The following PLA2G4A variants were observed in gnomAD, a reference collection of about 807,000 sequenced individuals.
The protein encoded by PLA2G4A is cytosolic phospholipase A2.
Under a neutral mutation model 81.9 loss-of-function variants are expected in PLA2G4A, and 40 were observed. The ratio of observed to expected loss-of-function variants is 0.49; its 90% confidence interval spans 0.38 to 0.64. The LOEUF (loss-of-function observed/expected upper bound fraction) is 0.64, where lower values mean the gene tolerates loss of function less well. Ranked by LOEUF, PLA2G4A falls within the 30% of genes least tolerant of loss-of-function variation. PLA2G4A has a pLI of 0.00. For missense variants in PLA2G4A, 715 were observed against 905.1 expected, an observed-to-expected ratio of 0.79 and a Z score of 2.69; for synonymous variants, 302 against 296.9, an observed-to-expected ratio of 1.02 and a Z score of -0.18.
chr1:186,888,816 T>G (rs1654029323), intron 3 of PLA2G4A, among the ~76,000 whole-genome samples: 1 of 138,830 alleles, frequency 7.2e-6, no homozygotes, highest in African/African-American at 2.7e-5. Context: ...TTTGCTTGGC[T>G]TTGTTTTTTT....
At chr1:186,974,964 C>G (rs1479686203) in intron 15 of PLA2G4A, among the ~76,000 whole-genome samples, 1 of 152,164 alleles carries the variant, frequency 6.6e-6, no homozygotes, top group Non-Finnish European at 1.5e-5. Flanking sequence ...CTAAAAATAG[C>G]CTCACTGTTA....
intron 5 of PLA2G4A, among the ~76,000 whole-genome samples, chr1:186,895,901 A>G (rs1482440314): frequency 1.3e-4 from 20 of 152,108 alleles, no homozygotes; most frequent in Admixed American, 1.3e-3. Context: ...CAGTTTAATC[A>G]TCTGTAAAAT....
At chr1:186,928,666 A>T (rs1655635346) in intron 7 of PLA2G4A, among the ~76,000 whole-genome samples, 1 of 152,244 alleles carries the variant, frequency 6.6e-6, no homozygotes, top group African/African-American at 2.4e-5. Flanking sequence ...ATGGGGGGCC[A>T]AGGAGAGAAA....
chr1:186,915,632 T>C (rs1341868467), intron 7 of PLA2G4A, among the ~76,000 whole-genome samples: 1 of 152,118 alleles, frequency 6.6e-6, no homozygotes, highest in Non-Finnish European at 1.5e-5. Flanking sequence ...TGCCCACTGG[T>C]AGTTGTATTA....
At chr1:186,859,192 T>C (rs918724557) in intron 2 of PLA2G4A, among the ~76,000 whole-genome samples, 1 of 152,100 alleles carries the variant, frequency 6.6e-6, no homozygotes, top group Non-Finnish European at 1.5e-5. Context: ...TGGAGAATCC[T>C]GTGGGCTGAT....
At chr1:186,946,340 GA>G (rs1656345376) in intron 10 of PLA2G4A, among the ~76,000 whole-genome samples, 1 of 152,082 alleles carries the variant, frequency 6.6e-6, no homozygotes, top group African/African-American at 2.4e-5. Context: ...CTGTTCTGTA[GA>G]ATGAAAACTG....
chr1:186,979,738 TATATG>T (rs1657654957), intron 17 of PLA2G4A, among the ~76,000 whole-genome samples: 3 of 152,184 alleles, frequency 2.0e-5, no homozygotes, highest in Admixed American at 2.0e-4. Flanking sequence ...ATGTATTTAT[TATATG>T]ATATAACAAA....
intron 1 of PLA2G4A, among the ~76,000 whole-genome samples, chr1:186,832,719 T>A (rs1302467076): frequency 6.6e-6 from 1 of 152,186 alleles, no homozygotes; most frequent in Non-Finnish European, 1.5e-5. Context: ...ATTTAAAAAA[T>A]TTTTCTCTTT....
At chr1:186,872,041 G>A (rs1351752260) in intron 3 of PLA2G4A, among the ~76,000 whole-genome samples, 2 of 152,052 alleles carry the variant, frequency 1.3e-5, no homozygotes, top group Non-Finnish European at 2.9e-5. Flanking sequence ...AGGATTGTTA[G>A]GTAGAATCTA....
chr1:186,872,829 G>A (rs72707570), intron 3 of PLA2G4A, among the ~76,000 whole-genome samples: 1 of 151,920 alleles, frequency 6.6e-6, no homozygotes, highest in Non-Finnish European at 1.5e-5. Flanking sequence ...TTTAGGTTTT[G>A]GTTCCCCACA....
chr1:186,840,182 T>C (rs947466311), intron 1 of PLA2G4A, among the ~76,000 whole-genome samples: 3 of 151,938 alleles, frequency 2.0e-5, no homozygotes, highest in African/African-American at 4.8e-5. Context: ...TTTTATTTCA[T>C]ATATTTTAAA....
intron 3 of PLA2G4A, among the ~76,000 whole-genome samples, chr1:186,890,010 G>A (rs886619163): frequency 6.6e-6 from 1 of 152,128 alleles, no homozygotes; most frequent in South Asian, 2.1e-4. Context: ...ATATTTCTCA[G>A]TTCCTGTTAC....
chr1:186,889,374 C>T (rs11577826), intron 3 of PLA2G4A, among the ~76,000 whole-genome samples: 59,628 of 152,008 alleles, frequency 0.39, 12,188 homozygotes, highest in African/African-American at 0.5. Context: ...AATGGGTCTT[C>T]GGGGATGAAG....
intron 15 of PLA2G4A, among the ~76,000 whole-genome samples, chr1:186,968,194 T>A (rs180928832): frequency 6.6e-6 from 1 of 152,170 alleles, no homozygotes; most frequent in Admixed American, 6.6e-5. Context: ...ACCACCTTAA[T>A]GAGTTGGAGG....
intron 5 of PLA2G4A, among the ~76,000 whole-genome samples, chr1:186,895,033 C>T (rs1241848685): frequency 6.6e-6 from 1 of 152,144 alleles, no homozygotes; most frequent in African/African-American, 2.4e-5. Context: ...TCTCCCTTAA[C>T]TCTCAGCTTC....
chr1:186,946,294 C>T (rs1292562770), intron 10 of PLA2G4A, among the ~76,000 whole-genome samples: 2 of 152,128 alleles, frequency 1.3e-5, no homozygotes, highest in African/African-American at 4.8e-5. Flanking sequence ...CTGTATGCTC[C>T]ATGAAATTTA....
At chr1:186,861,184 A>AT (rs1652783621) in intron 2 of PLA2G4A, among the ~76,000 whole-genome samples, 1 of 152,186 alleles carries the variant, frequency 6.6e-6, no homozygotes, top group South Asian at 2.1e-4. Flanking sequence ...GGCAGCTTGT[A>AT]TTACATTAAA....
chr1:186,896,931 A>C (rs1172254216), intron 5 of PLA2G4A, among the ~76,000 whole-genome samples: 1 of 152,024 alleles, frequency 6.6e-6, no homozygotes, highest in Non-Finnish European at 1.5e-5. Context: ...TGTGCCAGCC[A>C]CCCAGCTATC....
At chr1:186,848,841 A>T (rs1182736499) in intron 1 of PLA2G4A, among the ~76,000 whole-genome samples, 2 of 152,084 alleles carry the variant, frequency 1.3e-5, no homozygotes, top group East Asian at 3.9e-4. Context: ...CTTGCTTTGG[A>T]TTTAATATCA....
Sources: gnomAD v4.1 joint callset for allele counts (sites outside exome capture counted in the v4.1 genomes callset) on GRCh38, gnomAD v4.1.1 for gene constraint, MANE v1.5 for transcripts, NCBI Gene and HGNC (gene_info 2026-07-23, HGNC 2026-07-21) for gene names.